The following ADAMTS17 variants were observed in gnomAD, a reference collection of about 807,000 sequenced individuals.
ADAMTS17 encodes A disintegrin and metalloproteinase with thrombospondin motifs 17.
A neutral mutation model predicts 141.5 loss-of-function variants in ADAMTS17; 113 were observed. The observed-to-expected ratio is 0.80, with a 90% CI of 0.69 to 0.93. ADAMTS17 has a LOEUF of 0.93. ADAMTS17 is among the 40% of genes least tolerant of loss of function. The pLI, the probability that ADAMTS17 is intolerant of heterozygous loss-of-function variation, is 0.00. For synonymous variants in ADAMTS17, 768 were observed against 630.6 expected, an observed-to-expected ratio of 1.22 and a Z score of -3.27; for missense variants, 1,659 against 1,517.9, an observed-to-expected ratio of 1.09 and a Z score of -1.54.
intron 7 of ADAMTS17, among the ~76,000 whole-genome samples, chr15:100,235,229 G>C (rs546986554): frequency 6.6e-6 from 1 of 152,294 alleles, no homozygotes; most frequent in Admixed American, 6.5e-5. Flanking sequence ...CCATGTGCTA[G>C]AAAAGCCATG....
At position 100,203,830 on chromosome 15, in the gene ADAMTS17, T is replaced by G. The variant is rs150386232; in HGVS notation, c.1076-4407A>C. On this transcript the variant is annotated intron_variant, in intron 7 of 21. Transcript: ENST00000268070. ...AGGAGAATCACTTGAACGCGGGAGGTAGAGGTTGCAGTGAGCTGAGATCCA... is the reference window on the plus strand; with the variant it reads ...AGGAGAATCACTTGAACGCGGGAGGGAGAGGTTGCAGTGAGCTGAGATCCA... Among the ~76,000 whole-genome samples the G allele has an allele frequency of 3.7e-3, 554 of 151,366 alleles. 2 individuals are homozygous for G. The highest frequency in any genetic ancestry group is 4.9e-3 in the Non-Finnish European group (330 of 67,880).
chr15:100,110,172 T>C (rs532632545), intron 13 of ADAMTS17, among the ~76,000 whole-genome samples: 243 of 147,436 alleles, frequency 1.6e-3, no homozygotes, highest in Non-Finnish European at 2.9e-3. Context: ...ACTCAGTATA[T>C]ATATATATAT....
intron 4 of ADAMTS17, among the ~76,000 whole-genome samples, chr15:100,270,198 T>C (rs1342316189): frequency 7.0e-6 from 1 of 143,790 alleles, no homozygotes; most frequent in Non-Finnish European, 1.6e-5. Context: ...TCTGTGACTC[T>C]GGAGCCATTT....
chr15:100,326,782 C>T (rs140441747), intron 3 of ADAMTS17, among the ~76,000 whole-genome samples: 2 of 152,304 alleles, frequency 1.3e-5, no homozygotes, highest in East Asian at 1.9e-4. Flanking sequence ...TTAAACAGAA[C>T]GTTTGACCCC....
chr15:100,085,978 T>G (rs2035073874), intron 15 of ADAMTS17, among the ~76,000 whole-genome samples: 1 of 150,986 alleles, frequency 6.6e-6, no homozygotes, highest in African/African-American at 2.5e-5. Flanking sequence ...AATGACAGGA[T>G]CAAATTCACA....
At chr15:99,980,387 TC>T (rs1299521560) in intron 20 of ADAMTS17, 2 of 152,162 alleles carry the variant, frequency 1.3e-5, no homozygotes, top group Admixed American at 6.5e-5. Flanking sequence ...AACACCAACA[TC>T]CCTTTTCTCT....
chr15:100,235,956 C>G (rs1033732311), intron 7 of ADAMTS17, among the ~76,000 whole-genome samples: 2 of 152,150 alleles, frequency 1.3e-5, no homozygotes, highest in African/African-American at 4.8e-5. Flanking sequence ...CCTCCTGCCT[C>G]TCTTAAATAC....
chr15:99,991,341 C>T (rs547645826), intron 20 of ADAMTS17, among the ~76,000 whole-genome samples: 17 of 152,178 alleles, frequency 1.1e-4, no homozygotes, highest in African/African-American at 4.1e-4. Context: ...CCAAACAACC[C>T]CATCAAAAAG....
intron 12 of ADAMTS17, among the ~76,000 whole-genome samples, chr15:100,125,643 C>T (rs1252383760): frequency 6.6e-6 from 1 of 152,130 alleles, no homozygotes; most frequent in Non-Finnish European, 1.5e-5. Context: ...CGAGGGGTAA[C>T]AGAAGGTAAA....
At chr15:100,259,458 G>A (rs1268045790) in intron 6 of ADAMTS17, among the ~76,000 whole-genome samples, 2 of 152,258 alleles carry the variant, frequency 1.3e-5, no homozygotes, top group African/African-American at 2.4e-5. Flanking sequence ...CTGCTCTTGG[G>A]GAGGGCGGTG....
intron 3 of ADAMTS17, among the ~76,000 whole-genome samples, chr15:100,312,597 C>A (rs769553515): frequency 3.3e-5 from 5 of 152,184 alleles, no homozygotes; most frequent in Non-Finnish European, 7.3e-5. Context: ...GCCTTGGATA[C>A]AATGAAGACA....
intron 3 of ADAMTS17, among the ~76,000 whole-genome samples, chr15:100,303,206 AAT>A (rs1002702001): frequency 8.8e-5 from 13 of 147,080 alleles, no homozygotes; most frequent in African/African-American, 3.2e-4. Context: ...TAAAATATAT[AAT>A]ATATATGTAA....
intron 15 of ADAMTS17, among the ~76,000 whole-genome samples, chr15:100,059,997 G>A (rs952302761): frequency 3.3e-5 from 5 of 152,174 alleles, no homozygotes; most frequent in African/African-American, 4.8e-5. Flanking sequence ...ATTAATTAGT[G>A]TGCACTTGAA....
chr15:100,127,359 G>C (rs2037794504), intron 12 of ADAMTS17, among the ~76,000 whole-genome samples: 2 of 152,142 alleles, frequency 1.3e-5, no homozygotes, highest in Admixed American at 1.3e-4. Flanking sequence ...CGTGAAGTCA[G>C]AGGCAGAGAT....
chr15:100,230,295 G>A (rs2042438320), intron 7 of ADAMTS17, among the ~76,000 whole-genome samples: 1 of 152,202 alleles, frequency 6.6e-6, no homozygotes, highest in Non-Finnish European at 1.5e-5. Context: ...ATTCTACAGA[G>A]CGTCCAGTGG....
intron 15 of ADAMTS17, among the ~76,000 whole-genome samples, chr15:100,055,809 T>C (rs753696525): frequency 2.2e-4 from 33 of 152,340 alleles, no homozygotes; most frequent in Non-Finnish European, 4.1e-4. Context: ...GGCTCTTTCA[T>C]ATACTCTGAC....
At chr15:100,111,240 G>T (rs1466357099) in intron 13 of ADAMTS17, among the ~76,000 whole-genome samples, 1 of 152,204 alleles carries the variant, frequency 6.6e-6, no homozygotes, top group Non-Finnish European at 1.5e-5. Context: ...GCCCCAGTGG[G>T]CTCATGGACA....
At chr15:99,994,160 G>T (rs1183097753) in intron 19 of ADAMTS17, among the ~76,000 whole-genome samples, 2 of 152,138 alleles carry the variant, frequency 1.3e-5, no homozygotes, top group Non-Finnish European at 2.9e-5. Context: ...TCACAAACAA[G>T]TTGGCCCTGG....
At chr15:100,256,918 C>G (rs2043347622) in intron 6 of ADAMTS17, 1 of 152,520 alleles carries the variant, frequency 6.6e-6, no homozygotes, top group African/African-American at 2.4e-5. Flanking sequence ...GGGGTCCTTC[C>G]AAGTCCCAGA....
Sources: gnomAD v4.1 joint callset for allele counts (sites outside exome capture counted in the v4.1 genomes callset) on GRCh38, gnomAD v4.1.1 for gene constraint, MANE v1.5 for transcripts, NCBI Gene and HGNC (gene_info 2026-07-23, HGNC 2026-07-21) for gene names.